The following TOP2B variants were observed in gnomAD, a reference collection of about 807,000 sequenced individuals.
The protein encoded by TOP2B is DNA topoisomerase 2-beta.
A neutral mutation model predicts 193.5 loss-of-function variants in TOP2B; 51 were observed. The observed-to-expected ratio is 0.26, with a 90% CI of 0.21 to 0.33. The LOEUF is 0.33. Among genes scored for constraint, TOP2B ranks in the 10% least tolerant of loss-of-function variants. TOP2B has a pLI of 1.00. For missense variants in TOP2B, 1,378 were observed against 1,909.3 expected (o/e 0.72, Z 5.19); for synonymous variants, 634 against 635.7 (o/e 1.00, Z 0.04).
intron 33 of TOP2B, among the ~76,000 whole-genome samples, chr3:25,603,445 G>T (rs1299213937): frequency 3.3e-5 from 5 of 152,118 alleles, no homozygotes; most frequent in African/African-American, 1.2e-4. Flanking sequence ...GTTTTGCCAT[G>T]TTGGCCAGGC....
chr3:25,626,494 T>C, intron 18 of TOP2B, 66 bp downstream of exon 18: 2 of 910,210 alleles, frequency 2.2e-6, no homozygotes, highest in East Asian at 2.9e-5. Flanking sequence ...TAAGGATGGC[T>C]TAAAGTACAT....
intron 7 of TOP2B, among the ~76,000 whole-genome samples, chr3:25,634,799 C>CAAAAAAAAAA (rs1224120357): frequency 1.0e-5 from 1 of 96,442 alleles, no homozygotes; most frequent in Non-Finnish European, 2.0e-5. Flanking sequence ...AAAAAAAAAC[C>CAAAAAAAAAA]AAAAAAAGGC....
intron 15 of TOP2B, among the ~76,000 whole-genome samples, chr3:25,627,802 G>A (rs1702845401): frequency 6.6e-6 from 1 of 151,802 alleles, no homozygotes; most frequent in South Asian, 2.1e-4. Flanking sequence ...AAGCATGGTG[G>A]CTCATGCCTG....
In TOP2B at chr3:25,631,107, A is replaced by G. The variant is rs114411766; in HGVS notation, c.1267-168T>C. Among the ~76,000 whole-genome samples, 364 of 152,256 alleles carry G rather than the reference A, an allele frequency of 2.4e-3. 4 individuals are homozygous for G. Among genetic ancestry groups the G allele is most frequent in the African/African-American group, 8.4e-3 (349 of 41,586 alleles). On this transcript the variant is annotated intron_variant, in intron 10 of 35. Transcript: ENST00000264331. ...ATACATGCTAATCAGCTTTTACTCA[A>G]CTACTGTAAAATTAAAGCTAAAATA...
intron 28 of TOP2B, 35 bp from the exon 29 acceptor site, chr3:25,609,747 AAAT>A: frequency 7.0e-7 from 1 of 1,428,754 alleles, no homozygotes. Flanking sequence ...CCACGAGTAA[AAAT>A]AAAAACATCA....
chr3:25,659,821 T>G (rs1295259109), intron 1 of TOP2B, among the ~76,000 whole-genome samples: 1 of 152,236 alleles, frequency 6.6e-6, no homozygotes, highest in African/African-American at 2.4e-5. Context: ...TCTTTCAATG[T>G]TTTTAAAGTT....
At chr3:25,598,569 G>A in intron 35 of TOP2B, 92 bp from the exon 36 acceptor site, 2 of 967,184 alleles carry the variant, frequency 2.1e-6, no homozygotes, top group Non-Finnish European at 2.9e-6. Context: ...TTATGTTTAG[G>A]AAGTATTACA....
At chr3:25,659,787 G>C (rs1488448100) in intron 1 of TOP2B, among the ~76,000 whole-genome samples, 1 of 152,194 alleles carries the variant, frequency 6.6e-6, no homozygotes, top group African/African-American at 2.4e-5. Context: ...TGTCTTATCA[G>C]AGTATAAAAG....
In TOP2B at chr3:25,664,493, C is replaced by T; in HGVS notation, c.-196G>A. The T allele has an allele frequency of 8.4e-7, 1 of 1,188,540 alleles. No individual in the cohort carries two copies. The highest frequency in any genetic ancestry group is 1.0e-6 in the Non-Finnish European group (1 of 961,338). The allele number at this position is 1,188,540 out of a possible 1,614,324, so 73.6% of individuals were successfully genotyped here. A position where few individuals can be genotyped will look rare whatever the true frequency, so the allele number is the denominator to read the frequency against. On this transcript the variant is annotated 5_prime_UTR_variant, in exon 1 of 36. Coordinates refer to ENST00000264331, the MANE Select transcript of TOP2B (RefSeq NM_001330700.2). ...CTGAGGAGGCCGCGCCGCCGGCTGC[C>T]CTCAAACTCGAGGCGCGGCGTCCGC...
chr3:25,644,516 C>G (rs949996598), intron 2 of TOP2B, among the ~76,000 whole-genome samples: 5 of 152,004 alleles, frequency 3.3e-5, no homozygotes, highest in African/African-American at 9.7e-5. Flanking sequence ...GCCTGGCCAA[C>G]ATGGCAAAAC....
intron 1 of TOP2B, among the ~76,000 whole-genome samples, chr3:25,656,007 A>T (rs1703734781): frequency 6.6e-6 from 1 of 152,224 alleles, no homozygotes; most frequent in African/African-American, 2.4e-5. Flanking sequence ...CTAAGACAGT[A>T]AATTTAATGT....
intron 18 of TOP2B, 154 bp from the exon 19 acceptor site, chr3:25,624,957 T>C: frequency 2.9e-6 from 2 of 695,588 alleles, no homozygotes; most frequent in East Asian, 2.9e-5. Context: ...AACACGTTTG[T>C]TTTGTTTGTT....
chr3:25,643,652 A>G (rs191059538), intron 3 of TOP2B, 42 bp downstream of exon 3: 1 of 1,407,962 alleles, frequency 7.1e-7, no homozygotes, highest in Admixed American at 1.7e-5. Context: ...CACTATGATG[A>G]TATTAATAGA....
At chr3:25,635,739 C>A (rs908865230) in intron 7 of TOP2B, among the ~76,000 whole-genome samples, 197 bp downstream of exon 7, 1 of 151,640 alleles carries the variant, frequency 6.6e-6, no homozygotes, top group Non-Finnish European at 1.5e-5. Context: ...TATATATAAC[C>A]AAGAAGGAAA....
chr3:25,653,419 G>C (rs1703653284), intron 1 of TOP2B, among the ~76,000 whole-genome samples: 1 of 151,592 alleles, frequency 6.6e-6, no homozygotes, highest in African/African-American at 2.4e-5. Context: ...TTTTAAGAGA[G>C]GGTCTCATTT....
chr3:25,635,871 G>A (rs1703092354), intron 7 of TOP2B, 65 bp downstream of exon 7: 3 of 1,382,244 alleles, frequency 2.2e-6, no homozygotes, highest in Admixed American at 4.0e-5. Context: ...TTTAAAAAAG[G>A]AAGACCCAAC....
At chr3:25,643,855 C>G in intron 2 of TOP2B, 71 bp from the exon 3 acceptor site, 1 of 1,120,848 alleles carries the variant, frequency 8.9e-7, no homozygotes, top group Non-Finnish European at 1.3e-6. Context: ...GTATAATCCA[C>G]ATCCTGTCAT....
chr3:25,624,232 G>A (rs568317090), intron 20 of TOP2B, 65 bp downstream of exon 20: 596 of 1,558,258 alleles, frequency 3.8e-4, no homozygotes, highest in Non-Finnish European at 4.8e-4. Context: ...TAATTCCATC[G>A]AACATTTAGT....
intron 28 of TOP2B, among the ~76,000 whole-genome samples, chr3:25,610,143 G>A (rs1396976162): frequency 1.3e-5 from 2 of 151,810 alleles, no homozygotes; most frequent in Non-Finnish European, 2.9e-5. Context: ...GGAGATTGCG[G>A]TGAGCCTCTG....
Sources: allele counts gnomAD v4.1 joint callset (sites outside exome capture counted in the v4.1 genomes callset), GRCh38; gene constraint gnomAD v4.1.1; transcripts MANE v1.5; gene names NCBI Gene and HGNC (gene_info 2026-07-23, HGNC 2026-07-21).